Variants in EPS15L1 observed in about 807,000 individuals in gnomAD.
EPS15L1 encodes the protein epidermal growth factor receptor pathway substrate 15 like 1.
EPS15L1 carries 43 observed loss-of-function variants against 117.1 expected under a neutral mutation model. That is an observed-to-expected ratio of 0.37 (90% CI 0.29 to 0.47). The LOEUF is 0.47. EPS15L1 is among the 20% of genes least tolerant of loss of function. The pLI, the probability that EPS15L1 is intolerant of heterozygous loss-of-function variation, is 0.99. For missense variants in EPS15L1, 981 were observed against 1,164.0 expected (o/e 0.84, Z 2.29); for synonymous variants, 459 against 470.5 (o/e 0.98, Z 0.32).
At position 16,421,456 on chromosome 19, in the gene EPS15L1, C is replaced by A; in HGVS notation, c.813G>T (p.Val271=). The change falls in exon 10 of 24, where the codon GTG becomes GTT. Residue 271 remains valine (V), a synonymous_variant. Transcript: ENST00000455140. The part of the protein sequence containing the change: ...KQTQPTVNWV[V]PVADKMRFDE... ...CAAATCGCATCTTGTCTGCCACGGG[C>A]ACCACCCAGTTCACTGTTGGCTGAA... 6.2e-7 allele frequency: 1 copy of A among 1,613,590 alleles called. No individual in the cohort carries two copies. The highest frequency in any genetic ancestry group is 1.1e-5 in the South Asian group (1 of 91,082).
intron 15 of EPS15L1, among the ~76,000 whole-genome samples, chr19:16,402,822 T>C (rs1191207426): frequency 6.6e-6 from 1 of 152,112 alleles, no homozygotes; most frequent in Non-Finnish European, 1.5e-5. Context: ...TGGCCTCAAG[T>C]GATCCTCTTG....
At chr19:16,389,286 C>T (rs1294996524) in intron 19 of EPS15L1, among the ~76,000 whole-genome samples, 1 of 151,990 alleles carries the variant, frequency 6.6e-6, no homozygotes, top group Non-Finnish European at 1.5e-5. Context: ...GAAATCCCAT[C>T]TCTACAAAAA....
At chr19:16,413,136 G>C in intron 13 of EPS15L1, 1 of 669,606 alleles carries the variant, frequency 1.5e-6, no homozygotes. Flanking sequence ...CAAGGAGGCG[G>C]CCACTGCCAT....
chr19:16,453,540 C>T (rs1055589525), intron 1 of EPS15L1, among the ~76,000 whole-genome samples: 4 of 152,054 alleles, frequency 2.6e-5, no homozygotes, highest in African/African-American at 9.7e-5. Flanking sequence ...GGTGAAACCC[C>T]GTCTCCACTA....
chr19:16,356,219 C>T (rs1425961440), intron 23 of EPS15L1: 3 of 278,642 alleles, frequency 1.1e-5, no homozygotes, highest in South Asian at 6.9e-5. Flanking sequence ...AGCCCCACGG[C>T]GCAGACAATT....
rs572749630 is a variant in EPS15L1 at position 16,441,848 on chromosome 19, T to C, written c.165+44A>G. 4.6e-6 allele frequency: 7 copies of C among 1,516,956 alleles called. No individual in the cohort carries two copies. The Admixed American group carries it at 1.2e-4, about 26-fold the overall frequency. 94.0% of individuals were successfully genotyped at this position (1,516,956 alleles called of 1,614,324 possible). A position where few individuals can be genotyped will look rare whatever the true frequency, so the allele number is the denominator to read the frequency against. ...TGGCCCTGACCTGCGGGGGGAGCTG[T>C]GAGGGCAGCCACAGAAGAGAAATCA... is the stretch of plus-strand genomic sequence containing the variant. On this transcript the variant is annotated intron_variant, in intron 3 of 23. Transcript: ENST00000455140.
intron 1 of EPS15L1, among the ~76,000 whole-genome samples, chr19:16,457,569 C>A (rs940390018): frequency 2.0e-5 from 3 of 151,790 alleles, no homozygotes; most frequent in African/African-American, 7.3e-5. Context: ...GAGGGGCGGG[C>A]GTGTAGGGAA....
At chr19:16,369,370 G>A (rs1274572435) in intron 22 of EPS15L1, among the ~76,000 whole-genome samples, 2 of 152,186 alleles carry the variant, frequency 1.3e-5, no homozygotes, top group Non-Finnish European at 2.9e-5. Context: ...AACAGGATGA[G>A]GTTTGGTTCT....
In EPS15L1 at chr19:16,417,487, C is replaced by T. The variant is rs940440670; in HGVS notation, c.1193+65G>A. Reference sequence around the variant, plus strand: ...CTTCCAGGTGAGCCTCTGATATTTCCGATAACAACCTGGGAGAGTTCGTGT... The same window carrying T: ...CTTCCAGGTGAGCCTCTGATATTTCTGATAACAACCTGGGAGAGTTCGTGT... On this transcript the variant is annotated intron_variant, in intron 12 of 23. Coordinates refer to ENST00000455140, the MANE Select transcript of EPS15L1 (RefSeq NM_001258374.3). 15 of 1,388,960 alleles carry T rather than the reference C, an allele frequency of 1.1e-5. No individual in the cohort carries two copies. In the East Asian group the frequency reaches 2.3e-4, roughly 21 times the overall value. The allele number at this position is 1,388,960 out of a possible 1,614,324, so 86.0% of individuals were successfully genotyped here.
intron 4 of EPS15L1, among the ~76,000 whole-genome samples, chr19:16,439,512 G>A (rs915021103): frequency 2.0e-5 from 3 of 151,886 alleles, no homozygotes; most frequent in Admixed American, 1.3e-4. Context: ...GGCATAGTGA[G>A]ACCTCGTCTC....
chr19:16,402,132 C>T lies in EPS15L1; in HGVS notation c.1791+189G>A, dbSNP rs927149705. Reference sequence around the variant, plus strand: ...GGACTTTGTTCTGGAAGCCAGGATTCAGCATGGCCACCTGTGCCAGGCTGC... The same window carrying T: ...GGACTTTGTTCTGGAAGCCAGGATTTAGCATGGCCACCTGTGCCAGGCTGC... On this transcript the variant is annotated intron_variant, in intron 16 of 23. Transcript: ENST00000455140. 4 of 1,358,416 alleles carry T rather than the reference C, an allele frequency of 2.9e-6. No individual in the cohort carries two copies. The African/African-American group carries it at 5.9e-5, about 20-fold the overall frequency. The allele number at this position is 1,358,416 out of a possible 1,614,324, so 84.1% of individuals were successfully genotyped here.
chr19:16,371,455 TC>T lies in EPS15L1; in HGVS notation c.2380+5666del, dbSNP rs1175267231. ...CTGGTTAAACTTAGGTAAAAGCTGT[TC>T]GTTAGTGCAACTGTGGGGAGGGGGC... On this transcript the variant is annotated intron_variant, in intron 22 of 23. Transcript: ENST00000455140. The surrounding 1 kb of genome is among the most constrained non-coding windows in gnomAD (Gnocchi z 4.7). Among the ~76,000 whole-genome samples the T allele has an allele frequency of 1.3e-5, 2 of 152,330 alleles. No homozygotes were observed. The highest frequency in any genetic ancestry group is 3.4e-3 in the Middle Eastern group (1 of 294).
At chr19:16,395,230 T>A in intron 17 of EPS15L1, 114 bp downstream of exon 17, 1 of 1,023,744 alleles carries the variant, frequency 9.8e-7, no homozygotes. Flanking sequence ...GGCATTCCTT[T>A]CCCCCTCCAT....
At chr19:16,447,652 C>T (rs1281286646) in intron 1 of EPS15L1, among the ~76,000 whole-genome samples, 2 of 151,698 alleles carry the variant, frequency 1.3e-5, no homozygotes, top group Non-Finnish European at 2.9e-5. Flanking sequence ...CCCAGTTACT[C>T]AGGAGGCTGA....
chr19:16,425,352 A>G (rs2092860418), intron 8 of EPS15L1, 36 bp from the exon 9 acceptor site: 1 of 1,450,920 alleles, frequency 6.9e-7, no homozygotes, highest in Non-Finnish European at 9.5e-7. Context: ...TGAAGGGGCA[A>G]GGCTGGGGCC....
chr19:16,404,548 C>T lies in EPS15L1; in HGVS notation c.1428+40G>A. 2.5e-6 allele frequency: 4 copies of T among 1,610,138 alleles called. No individual in the cohort carries two copies. The highest frequency in any genetic ancestry group is 3.4e-6 in the Non-Finnish European group (4 of 1,177,650). On this transcript the variant is annotated intron_variant, in intron 14 of 23. Transcript: ENST00000455140. This position sits in a 1 kb window ranked among gnomAD's most constrained non-coding sequence, Gnocchi z 4.2. ...AGGGGAGTCCTTGGGAAGCCCCTGC[C>T]TGTGCATAGGGCGCTGCCCCGGAGG...
At position 16,367,497 on chromosome 19, in the gene EPS15L1, T is replaced by TAAAA. The variant is rs71178691; in HGVS notation, c.2381-5517_2381-5514dup. Reference sequence around the variant, plus strand: ...AATGGTTTACCACAGTATGTGCTGTTAAAAAAAAAAAAAAAAAAAAAAAAA... The same window carrying TAAAA: ...AATGGTTTACCACAGTATGTGCTGTTAAAAAAAAAAAAAAAAAAAAAAAAAAAAA... On this transcript the variant is annotated intron_variant, in intron 22 of 23. Transcript: ENST00000455140. Among the ~76,000 whole-genome samples, 565 of 65,302 alleles carry TAAAA rather than the reference T, an allele frequency of 8.7e-3. 29 individuals carry two copies. The highest frequency in any genetic ancestry group is 0.035 in the African/African-American group (528 of 15,086). The allele number at this position is 65,302 out of a possible 152,430, so 42.8% of individuals were successfully genotyped here.
At chr19:16,397,559 G>A (rs1245679594) in intron 16 of EPS15L1, among the ~76,000 whole-genome samples, 1 of 151,950 alleles carries the variant, frequency 6.6e-6, no homozygotes, top group Non-Finnish European at 1.5e-5. Context: ...TTCTCGGTGA[G>A]TATGTACCTA....
At chr19:16,435,720 A>G (rs2092972028) in intron 6 of EPS15L1, among the ~76,000 whole-genome samples, 1 of 152,010 alleles carries the variant, frequency 6.6e-6, no homozygotes, top group African/African-American at 2.4e-5. Context: ...AAGCCCAGAA[A>G]TGTTCACAAC....
Sources: allele counts gnomAD v4.1 joint callset (sites outside exome capture counted in the v4.1 genomes callset), GRCh38; gene constraint gnomAD v4.1.1; non-coding constraint Gnocchi (gnomAD v3.1); transcripts MANE v1.5; gene names NCBI Gene and HGNC (gene_info 2026-07-23, HGNC 2026-07-21).